CYSTM1: variants seen among roughly 807,000 people sequenced by gnomAD.
The protein encoded by CYSTM1 is cysteine rich transmembrane module containing 1, also known as cysteine-rich transmembrane module-containing protein 1.
In CYSTM1, 4 loss-of-function variants were observed where a neutral mutation model predicts 13.1. The ratio of observed to expected loss-of-function variants is 0.31; its 90% CI spans 0.15 to 0.70. The LOEUF (loss-of-function observed/expected upper bound fraction) is 0.70. Among genes scored for constraint, CYSTM1 ranks in the 30% least tolerant of loss-of-function variants. The pLI is 0.72. For synonymous variants in CYSTM1, 36 were observed against 42.7 expected, an observed-to-expected ratio of 0.84 and a Z score of 0.62; for missense variants, 96 against 121.6, an observed-to-expected ratio of 0.79 and a Z score of 0.99.
rs753559685 is a variant in CYSTM1, at chr5:140,194,610, T to C, written c.145T>C (p.Tyr49His). 1.2e-6 allele frequency: 2 copies of C among 1,613,582 alleles called. No homozygotes were observed. Among genetic ancestry groups the C allele is most frequent in the South Asian group, 2.2e-5 (2 of 91,046 alleles). Reference sequence around the variant, plus strand: ...GTACCCCTACCAAGGATACCCACAGTACGGCTGGCAGGGTGGACCTCAGGA... The same window carrying C: ...GTACCCCTACCAAGGATACCCACAGCACGGCTGGCAGGGTGGACCTCAGGA... ...QGYPYQGYPQ[Y>H]GWQGGPQEPP... Residue 49 changes from tyrosine (Y) to histidine (H), a missense_variant, in exon 2 of 3, where the codon TAC (tyrosine) becomes CAC (histidine). Physicochemically the swap from Tyr to His is moderately conservative, Grantham distance 83. Coordinates refer to ENST00000261811, the MANE Select transcript of CYSTM1 (RefSeq NM_032412.4).
intron 2 of CYSTM1, among the ~76,000 whole-genome samples, chr5:140,232,575 C>T (rs1330121783): frequency 1.3e-5 from 2 of 152,156 alleles, no homozygotes; most frequent in African/African-American, 2.4e-5. Context: ...AAAGTGAGAA[C>T]GCAAAAGTGT....
intron 2 of CYSTM1, among the ~76,000 whole-genome samples, chr5:140,212,840 G>A (rs1307032453): frequency 2.0e-5 from 3 of 151,402 alleles, no homozygotes; most frequent in South Asian, 2.1e-4. Context: ...GGTGATACAC[G>A]CCTGTAATCC....
intron 2 of CYSTM1, among the ~76,000 whole-genome samples, chr5:140,227,031 A>C (rs1042572055): frequency 1.3e-5 from 2 of 152,088 alleles, no homozygotes; most frequent in African/African-American, 2.4e-5. Context: ...ATGGATGTTC[A>C]CACTCACTGG....
chr5:140,208,591 T>G (rs1764326213), intron 2 of CYSTM1, among the ~76,000 whole-genome samples: 1 of 152,214 alleles, frequency 6.6e-6, no homozygotes, highest in Admixed American at 6.5e-5. Context: ...ATAATTTGAT[T>G]GTTTGTAACA....
At position 140,200,557 on chromosome 5, in the gene CYSTM1, C is replaced by CTTTTTTTTTTTTTT. The variant is rs57173526; in HGVS notation, c.187+5913_187+5926dup. The CTTTTTTTTTTTTTT allele has an allele frequency of 2.3e-4, 18 of 78,730 alleles. 2 individuals are homozygous for CTTTTTTTTTTTTTT. Among genetic ancestry groups the CTTTTTTTTTTTTTT allele is most frequent in the African/African-American group, 7.8e-4 (15 of 19,124 alleles). 4.9% of individuals were successfully genotyped at this position (78,730 alleles called of 1,614,324 possible). ...ATTTCCTTCCACTCTTCCCCCCGGC[C>CTTTTTTTTTTTTTT]TTTTTTTTTTTTTTTTTTTTTGAGG... On this transcript the variant is annotated intron_variant, in intron 2 of 2. Coordinates refer to ENST00000261811, the MANE Select transcript of CYSTM1 (RefSeq NM_032412.4).
chr5:140,183,525 C>T (rs1345573669), intron 1 of CYSTM1, among the ~76,000 whole-genome samples: 1 of 152,222 alleles, frequency 6.6e-6, no homozygotes, highest in East Asian at 1.9e-4. Context: ...AGAAGCCAAC[C>T]TTCATTTCTC....
chr5:140,184,386 G>GGT (rs1666513630), intron 1 of CYSTM1, among the ~76,000 whole-genome samples: 1 of 109,732 alleles, frequency 9.1e-6, no homozygotes, highest in East Asian at 2.8e-4. Context: ...TATAAAGTTG[G>GGT]GTTTTTTTTT....
intron 1 of CYSTM1, among the ~76,000 whole-genome samples, chr5:140,191,275 A>T (rs894323098): frequency 6.6e-6 from 1 of 151,790 alleles, no homozygotes; most frequent in Admixed American, 6.6e-5. Context: ...GAAAGAGTGT[A>T]TGTGTGGAAG....
rs1764721123 is a variant in CYSTM1 at position 140,239,338 on chromosome 5, G to C, written c.188-3967G>C. Among the ~76,000 whole-genome samples, 1 of 152,122 alleles carries C rather than the reference G, an allele frequency of 6.6e-6. No individual in the cohort carries two copies. Among genetic ancestry groups the C allele is most frequent in the African/African-American group, 2.4e-5 (1 of 41,412 alleles). On this transcript the variant is annotated intron_variant, in intron 2 of 2. Coordinates refer to ENST00000261811, the MANE Select transcript of CYSTM1 (RefSeq NM_032412.4). This position sits in a 1 kb window ranked among gnomAD's most constrained non-coding sequence, Gnocchi z 5.4. ...GCCCCACTTGCCCATTGCCTACCCA[G>C]AACCAGGTTTCTGAGTAGCCCATGT...
Position 140,237,679 on chromosome 5 carries a change from G to A in CYSTM1, c.188-5626G>A, listed in dbSNP as rs564111873. Among the ~76,000 whole-genome samples the A allele has an allele frequency of 1.4e-4, 21 of 152,320 alleles. No homozygotes were observed. The South Asian group carries it at 2.3e-3, about 17-fold the overall frequency. On this transcript the variant is annotated intron_variant, in intron 2 of 2. Coordinates refer to ENST00000261811, the MANE Select transcript of CYSTM1 (RefSeq NM_032412.4). Reference sequence around the variant, plus strand: ...CTGGTGGTGCAGCCTTGTCAGGCTGGTCCAGCATGTCCATATCTACTAGAT... The same window carrying A: ...CTGGTGGTGCAGCCTTGTCAGGCTGATCCAGCATGTCCATATCTACTAGAT...
At chr5:140,178,441 CTTTTTTTTTT>C (rs577709524) in intron 1 of CYSTM1, among the ~76,000 whole-genome samples, 3 of 52,628 alleles carry the variant, frequency 5.7e-5, no homozygotes, top group Admixed American at 2.8e-4. Context: ...CAAGTCCTTC[CTTTTTTTTTT>C]TTTTTTTTTT....
In CYSTM1 at chr5:140,229,255, C is replaced by A. The variant is rs891569416; in HGVS notation, c.188-14050C>A. On this transcript the variant is annotated intron_variant, in intron 2 of 2. Coordinates refer to ENST00000261811, the MANE Select transcript of CYSTM1 (RefSeq NM_032412.4). Reference sequence around the variant, plus strand: ...TGTTACCCAGGCTGGAGTGCAGTGGCGTGATCTCATCTCACTGCAACCTTT... The same window carrying A: ...TGTTACCCAGGCTGGAGTGCAGTGGAGTGATCTCATCTCACTGCAACCTTT... Among the ~76,000 whole-genome samples the A allele has an allele frequency of 2.6e-5, 4 of 152,140 alleles. No homozygotes were observed. In the East Asian group the frequency reaches 7.7e-4, roughly 29 times the overall value.
chr5:140,190,491 A>AT (rs1425361775), intron 1 of CYSTM1, among the ~76,000 whole-genome samples: 3 of 151,592 alleles, frequency 2.0e-5, no homozygotes, highest in African/African-American at 4.9e-5. Flanking sequence ...AGTATCTGTC[A>AT]TTTTTTTTCC....
intron 1 of CYSTM1, among the ~76,000 whole-genome samples, chr5:140,182,366 A>C (rs1469474356): frequency 6.6e-6 from 1 of 152,180 alleles, no homozygotes; most frequent in Admixed American, 6.5e-5. Context: ...TGGTTCTATG[A>C]TACTAGGAAG....
At chr5:140,215,415 C>T (rs1209330102) in intron 2 of CYSTM1, among the ~76,000 whole-genome samples, 1 of 151,958 alleles carries the variant, frequency 6.6e-6, no homozygotes, top group Non-Finnish European at 1.5e-5. Context: ...GATCAGTGGT[C>T]CAGAAGAGCT....
At chr5:140,188,635 T>G (rs1425105366) in intron 1 of CYSTM1, among the ~76,000 whole-genome samples, 1 of 151,930 alleles carries the variant, frequency 6.6e-6, no homozygotes, top group Non-Finnish European at 1.5e-5. Flanking sequence ...AAACATTAGC[T>G]GGGCGCAGTG....
intron 1 of CYSTM1, among the ~76,000 whole-genome samples, chr5:140,178,407 C>A (rs932744832): frequency 8.9e-6 from 1 of 112,624 alleles, no homozygotes; most frequent in South Asian, 2.8e-4. Context: ...GTTTGAAGTT[C>A]TAAGTTTTTG....
Position 140,226,714 on chromosome 5 carries a change from C to T in CYSTM1, c.188-16591C>T, listed in dbSNP as rs571483922. On this transcript the variant is annotated intron_variant, in intron 2 of 2. Coordinates refer to ENST00000261811, the MANE Select transcript of CYSTM1 (RefSeq NM_032412.4). ...CTGGGAGGCAGAGGTTGCAGTGAGC[C>T]GAGATCGCACCCTTGTACTCCAGCC... Among the ~76,000 whole-genome samples the T allele has an allele frequency of 7.5e-4, 107 of 142,208 alleles. 2 individuals carry two copies. Among genetic ancestry groups the T allele is most frequent in the Admixed American group, 3.8e-3 (52 of 13,776 alleles). The allele number at this position is 142,208 out of a possible 152,430, so 93.3% of individuals were successfully genotyped here.
chr5:140,202,577 T>C (rs1304312479), intron 2 of CYSTM1: 1 of 152,268 alleles, frequency 6.6e-6, no homozygotes, highest in Non-Finnish European at 1.5e-5. Flanking sequence ...GGAACGTAGA[T>C]AATGATAAGC....
Sources: gnomAD v4.1 joint callset for allele counts (sites outside exome capture counted in the v4.1 genomes callset) on GRCh38, gnomAD v4.1.1 for gene constraint, Gnocchi (gnomAD v3.1) non-coding constraint, MANE v1.5 for transcripts, NCBI Gene and HGNC (gene_info 2026-07-23, HGNC 2026-07-21) for gene names.